Variants in TBC1D14 observed in about 807,000 individuals in gnomAD.
TBC1D14 encodes the protein TBC1 domain family member 14.
In TBC1D14, 26 loss-of-function variants were observed where a neutral mutation model predicts 79.0. That is an observed-to-expected ratio of 0.33 (90% CI 0.24 to 0.46). The LOEUF is 0.46. Among genes scored for constraint, TBC1D14 ranks in the 20% least tolerant of loss-of-function variants. The pLI is 1.00. For missense variants in TBC1D14, 769 were observed against 887.6 expected (o/e 0.87, Z 1.70); for synonymous variants, 394 against 349.9 (o/e 1.13, Z -1.40).
chr4:7,002,186 C>G (rs1294021396), intron 7 of TBC1D14, among the ~76,000 whole-genome samples: 2 of 152,222 alleles, frequency 1.3e-5, no homozygotes, highest in Non-Finnish European at 2.9e-5. Flanking sequence ...CGGTGTGGTC[C>G]TACAGAGGAA....
rs142325589 is a variant in TBC1D14, at chr4:6,942,306, A to G, written c.722+18195A>G. On this transcript the variant is annotated intron_variant, in intron 2 of 13. Coordinates refer to ENST00000409757, the MANE Select transcript of TBC1D14 (RefSeq NM_020773.3). Reference sequence around the variant, plus strand: ...TCTTACTAGATTGCCACATCAAATCAGTTCCTGTTTATGTTGAGCGAGCTG... The same window carrying G: ...TCTTACTAGATTGCCACATCAAATCGGTTCCTGTTTATGTTGAGCGAGCTG... Among the ~76,000 whole-genome samples, 186 of 152,284 alleles carry G rather than the reference A, an allele frequency of 1.2e-3. 1 individual carries two copies. Among genetic ancestry groups the G allele is most frequent in the African/African-American group, 4.3e-3 (178 of 41,552 alleles).
At chr4:6,921,849 A>G (rs1313113205) in intron 1 of TBC1D14, among the ~76,000 whole-genome samples, 1 of 151,894 alleles carries the variant, frequency 6.6e-6, no homozygotes, top group Non-Finnish European at 1.5e-5. Flanking sequence ...GGCGCACACC[A>G]CCACGCCTGG....
chr4:6,994,110 C>CAACTTTCT (rs1718773686), intron 3 of TBC1D14, 74 bp from the exon 4 acceptor site: 2 of 1,309,442 alleles, frequency 1.5e-6, no homozygotes, highest in African/African-American at 2.9e-5. Context: ...CATGACAAAA[C>CAACTTTCT]AACTTTCTTA....
At chr4:6,967,003 G>T (rs1715757411) in intron 2 of TBC1D14, among the ~76,000 whole-genome samples, 1 of 152,144 alleles carries the variant, frequency 6.6e-6, no homozygotes, top group Admixed American at 6.5e-5. Context: ...TAGAGACGGG[G>T]TTTCACCATG....
intron 3 of TBC1D14, among the ~76,000 whole-genome samples, chr4:6,977,332 G>A (rs1303975067): frequency 3.4e-5 from 5 of 146,952 alleles, no homozygotes; most frequent in South Asian, 2.3e-4. Context: ...TGTGTTGGCC[G>A]GGCTGGTCTC....
chr4:7,029,756 C>A (rs1182657064), intron 13 of TBC1D14, among the ~76,000 whole-genome samples: 1 of 152,138 alleles, frequency 6.6e-6, no homozygotes, highest in South Asian at 2.1e-4. Context: ...ACCCGGGGGT[C>A]AGAGATTACA....
Position 6,967,332 on chromosome 4 carries a change from A to C in TBC1D14, c.751A>C (p.Arg251=). ...RNLLARKQSA[R]LDKHNDLGWK... ...CTTGCTTGCTAGAAAACAAAGTGCA[A>C]GGCTTGACAAACACAATGACTTGGG... Residue 251 remains arginine, a synonymous_variant, in exon 3 of 14, where the codon AGG becomes CGG. Coordinates refer to ENST00000409757, the MANE Select transcript of TBC1D14 (RefSeq NM_020773.3). 6.2e-7 allele frequency: 1 copy of C among 1,614,142 alleles called. No individual in the cohort carries two copies.
chr4:6,956,056 A>T (rs1714604443), intron 2 of TBC1D14, among the ~76,000 whole-genome samples: 1 of 152,208 alleles, frequency 6.6e-6, no homozygotes, highest in African/African-American at 2.4e-5. Context: ...TAGGCACTAG[A>T]GACAGAGCGG....
chr4:6,974,889 T>TTTTG (rs909849867), intron 3 of TBC1D14, among the ~76,000 whole-genome samples: 1 of 151,962 alleles, frequency 6.6e-6, no homozygotes, highest in Non-Finnish European at 1.5e-5. Flanking sequence ...TGTGTGTCTG[T>TTTTG]TTTGTTTGTT....
At chr4:6,979,813 A>C (rs1717202942) in intron 3 of TBC1D14, among the ~76,000 whole-genome samples, 1 of 152,366 alleles carries the variant, frequency 6.6e-6, no homozygotes, top group Middle Eastern at 3.4e-3. Flanking sequence ...AGTAGACTTC[A>C]GAACAAAATT....
chr4:7,003,971 ACT>A (rs1719928297), intron 7 of TBC1D14, among the ~76,000 whole-genome samples: 1 of 151,690 alleles, frequency 6.6e-6, no homozygotes, highest in Non-Finnish European at 1.5e-5. Flanking sequence ...GCGCCACTGC[ACT>A]CTCCAGCCTG....
chr4:7,030,300 C>T (rs1361552017), intron 13 of TBC1D14, 27 bp from the exon 14 acceptor site: 2 of 1,611,982 alleles, frequency 1.2e-6, no homozygotes, highest in South Asian at 1.1e-5. Context: ...GTCACTTAAC[C>T]TCAGCTGTCT....
intron 13 of TBC1D14, among the ~76,000 whole-genome samples, chr4:7,027,514 C>T (rs115300660): frequency 0.014 from 2,040 of 148,452 alleles, 61 homozygotes; most frequent in African/African-American, 0.048. Context: ...ACCTCACACC[C>T]AGTCACCCCA....
At chr4:6,960,655 G>A (rs1469925056) in intron 2 of TBC1D14, among the ~76,000 whole-genome samples, 2 of 152,190 alleles carry the variant, frequency 1.3e-5, no homozygotes, top group Non-Finnish European at 2.9e-5. Flanking sequence ...TATGTTTTAT[G>A]TCAGCCAGCA....
At chr4:7,010,069 A>G in intron 10 of TBC1D14, 121 bp downstream of exon 10, 2 of 1,114,588 alleles carry the variant, frequency 1.8e-6, no homozygotes, top group Non-Finnish European at 2.7e-6. Context: ...GGAGTATGAA[A>G]AGTCTCGTGG....
chr4:7,006,449 C>G (rs1443463689), intron 8 of TBC1D14, among the ~76,000 whole-genome samples, 183 bp from the exon 9 acceptor site: 1 of 152,218 alleles, frequency 6.6e-6, no homozygotes, highest in African/African-American at 2.4e-5. Context: ...ATATTTTGTT[C>G]TCTAAGAAAC....
intron 8 of TBC1D14, 71 bp downstream of exon 8, chr4:7,004,995 G>T: frequency 7.3e-7 from 1 of 1,375,988 alleles, no homozygotes; most frequent in Non-Finnish European, 1.0e-6. Context: ...ACATAGTGAA[G>T]AAAGTTGACG....
At chr4:7,028,707 G>C (rs1027230948) in intron 13 of TBC1D14, among the ~76,000 whole-genome samples, 3 of 152,162 alleles carry the variant, frequency 2.0e-5, no homozygotes, top group Admixed American at 1.3e-4. Flanking sequence ...TTATAGGCGT[G>C]AGCCACCACA....
chr4:6,977,721 TC>T lies in TBC1D14; in HGVS notation c.843+10298del, dbSNP rs1716893882. Among the ~76,000 whole-genome samples, 2 of 69,422 alleles carry T rather than the reference TC, an allele frequency of 2.9e-5. 1 individual carries two copies. Among genetic ancestry groups the T allele is most frequent in the Non-Finnish European group, 6.1e-5 (2 of 32,958 alleles). 45.5% of individuals were successfully genotyped at this position (69,422 alleles called of 152,430 possible). On this transcript the variant is annotated intron_variant, in intron 3 of 13. Transcript: ENST00000409757. The stretch of plus-strand genomic sequence containing the variant: ...CATCCCATCTAGGAAGTGAGGAGCG[TC>T]TCTGCCAGGCCGCCATCCCATCTAG...
Sources: gnomAD v4.1 joint callset for allele counts (sites outside exome capture counted in the v4.1 genomes callset) on GRCh38, gnomAD v4.1.1 for gene constraint, MANE v1.5 for transcripts, NCBI Gene and HGNC (gene_info 2026-07-23, HGNC 2026-07-21) for gene names.